The following MARCHF7 variants were observed in gnomAD, a reference collection of about 807,000 sequenced individuals.
The protein encoded by MARCHF7 is membrane associated ring-CH-type finger 7, also known as E3 ubiquitin-protein ligase MARCHF7.
A neutral mutation model predicts 76.5 loss-of-function variants in MARCHF7; 20 were observed. The ratio of observed to expected loss-of-function variants is 0.26; its 90% confidence interval spans 0.18 to 0.38. The LOEUF is 0.38. MARCHF7 is among the 10% of genes least tolerant of loss of function. The pLI is 1.00. For missense variants in MARCHF7, 797 were observed against 812.9 expected (o/e 0.98, Z 0.24); for synonymous variants, 295 against 293.0 (o/e 1.01, Z -0.07).
intron 3 of MARCHF7, among the ~76,000 whole-genome samples, chr2:159,724,419 C>T (rs1435128663): frequency 2.0e-5 from 3 of 152,072 alleles, no homozygotes; most frequent in Admixed American, 1.3e-4. Flanking sequence ...TTCTGTCCTT[C>T]GTTTCTAGAA....
intron 3 of MARCHF7, among the ~76,000 whole-genome samples, chr2:159,717,645 G>C (rs890866372): frequency 6.6e-6 from 1 of 152,144 alleles, no homozygotes; most frequent in African/African-American, 2.4e-5. Flanking sequence ...CAGCAAATTA[G>C]AAAGGGAATT....
rs141870759 is a variant in MARCHF7, at chr2:159,769,862, G to A, written c.*2520G>A. On this transcript the variant is annotated 3_prime_UTR_variant, in exon 12 of 12. Transcript: ENST00000409175. ...CAATAAAACTTCCTATAATGAAAATGTTCTATAATGTATGTTGCCCAGTAC... is the reference window on the plus strand; with the variant it reads ...CAATAAAACTTCCTATAATGAAAATATTCTATAATGTATGTTGCCCAGTAC... 1.6e-4 allele frequency: 24 copies of A among 152,306 alleles called. No homozygotes were observed. The highest frequency in any genetic ancestry group is 5.5e-4 in the African/African-American group (23 of 41,572). 9.4% of individuals were successfully genotyped at this position (152,306 alleles called of 1,614,324 possible). A position where few individuals can be genotyped will look rare whatever the true frequency, so the allele number is the denominator to read the frequency against.
At chr2:159,750,592 TC>T (rs1423870621) in intron 7 of MARCHF7, among the ~76,000 whole-genome samples, 6 of 152,122 alleles carry the variant, frequency 3.9e-5, no homozygotes, top group African/African-American at 1.2e-4. Flanking sequence ...TACAAAGAAA[TC>T]TTTATAGAGT....
intron 9 of MARCHF7, among the ~76,000 whole-genome samples, chr2:159,760,122 T>C (rs1706853044): frequency 6.6e-6 from 1 of 152,214 alleles, no homozygotes; most frequent in Admixed American, 6.5e-5. Flanking sequence ...CATTCTGTGC[T>C]CTCAGCCCCT....
Position 159,768,236 on chromosome 2 carries a change from G to T in MARCHF7, c.*894G>T, listed in dbSNP as rs1266479779. On this transcript the variant is annotated 3_prime_UTR_variant, in exon 12 of 12. Transcript: ENST00000409175. ...ATATAAATAACCTGTTTGGATCCTG[G>T]TCCTTTTTAACTGTTCCTTGGTAAT... 6.6e-6 allele frequency: 1 copy of T among 151,214 alleles called. No individual in the cohort carries two copies. Among genetic ancestry groups the T allele is most frequent in the African/African-American group, 2.4e-5 (1 of 41,346 alleles). 9.4% of individuals were successfully genotyped at this position (151,214 alleles called of 1,614,324 possible). A position where few individuals can be genotyped will look rare whatever the true frequency, so the allele number is the denominator to read the frequency against.
At chr2:159,728,389 A>G (rs1702409567) in intron 3 of MARCHF7, among the ~76,000 whole-genome samples, 1 of 152,246 alleles carries the variant, frequency 6.6e-6, no homozygotes, top group African/African-American at 2.4e-5. Flanking sequence ...TACCTATTGT[A>G]TCCCAGGCAG....
chr2:159,749,342 GTT>G lies in MARCHF7; in HGVS notation c.1613+447_1613+448del, dbSNP rs576827987. On this transcript the variant is annotated intron_variant, in intron 7 of 11. Transcript: ENST00000409175. ...AAATCTGAAGGGTTGTTTTGTTTTT[GTT>G]TTTTTTTGTTGTTGTTGTTGTTGTT... Among the ~76,000 whole-genome samples the G allele has an allele frequency of 3.8e-4, 57 of 150,694 alleles. No individual in the cohort carries two copies. The East Asian group carries it at 0.01, about 27-fold the overall frequency.
chr2:159,727,846 A>G (rs1702350125), intron 3 of MARCHF7, among the ~76,000 whole-genome samples: 1 of 152,250 alleles, frequency 6.6e-6, no homozygotes, highest in Non-Finnish European at 1.5e-5. Flanking sequence ...GTTTATACGT[A>G]TTTAATAATC....
At chr2:159,737,800 A>T (rs1467174032) in intron 4 of MARCHF7, among the ~76,000 whole-genome samples, 1 of 152,228 alleles carries the variant, frequency 6.6e-6, no homozygotes, top group Admixed American at 6.5e-5. Flanking sequence ...AAATTAAAAA[A>T]AAAGATGGAC....
At chr2:159,733,676 G>A (rs1703096221) in intron 4 of MARCHF7, 1 of 985,238 alleles carries the variant, frequency 1.0e-6, no homozygotes, top group African/African-American at 1.7e-5. Flanking sequence ...GGTAGGACAT[G>A]ATCAATTTCA....
intron 3 of MARCHF7, among the ~76,000 whole-genome samples, chr2:159,721,013 A>AC (rs1328504504): frequency 2.7e-5 from 4 of 146,834 alleles, no homozygotes; most frequent in Admixed American, 1.4e-4. Context: ...GCGAGCCACC[A>AC]CACACGGCTA....
At chr2:159,723,641 T>C (rs1266583958) in intron 3 of MARCHF7, among the ~76,000 whole-genome samples, 1 of 152,202 alleles carries the variant, frequency 6.6e-6, no homozygotes, top group Non-Finnish European at 1.5e-5. Context: ...CCATTCTTAT[T>C]TCCACTGCCC....
intron 4 of MARCHF7, among the ~76,000 whole-genome samples, chr2:159,734,379 T>G (rs1223523613): frequency 6.7e-6 from 1 of 148,218 alleles, no homozygotes; most frequent in Admixed American, 7.1e-5. Flanking sequence ...TTGCATATTT[T>G]GCATAGTGTA....
At position 159,748,860 on chromosome 2, in the gene MARCHF7, G is replaced by A; in HGVS notation, c.1570G>A (p.Ala524Thr). 1 of 1,612,696 alleles carries A rather than the reference G, an allele frequency of 6.2e-7. No individual in the cohort carries two copies. Among genetic ancestry groups the A allele is most frequent in the Non-Finnish European group, 8.5e-7 (1 of 1,179,512 alleles). ...ADGKSDKTKS[A>T]PSRDPERLQK... ...TGGTAAAAGTGATAAAACTAAAAGTGCGCCTTCAAGAGATCCAGAAAGATT... is the reference window on the plus strand; with the variant it reads ...TGGTAAAAGTGATAAAACTAAAAGTACGCCTTCAAGAGATCCAGAAAGATT... The change falls in exon 7 of 12, where the codon GCG becomes ACG. Residue 524 changes from alanine to threonine, a missense_variant. By Grantham distance (58) the Ala-to-Thr change is moderately conservative. Transcript: ENST00000409175.
intron 7 of MARCHF7, among the ~76,000 whole-genome samples, chr2:159,750,572 A>T (rs1291159133): frequency 6.6e-6 from 1 of 152,158 alleles, no homozygotes; most frequent in East Asian, 1.9e-4. Context: ...CAGGGCATAG[A>T]ATCTTTTTAT....
intron 7 of MARCHF7, 47 bp downstream of exon 7, chr2:159,748,950 AG>A: frequency 7.0e-7 from 1 of 1,436,500 alleles, no homozygotes; most frequent in Non-Finnish European, 9.2e-7. Flanking sequence ...AAATAGAGAA[AG>A]AACTCTTCAT....
rs895735361 is a variant in MARCHF7, at chr2:159,768,843, C to T, written c.*1501C>T. 25 of 152,088 alleles carry T rather than the reference C, an allele frequency of 1.6e-4. No homozygotes were observed. The highest frequency in any genetic ancestry group is 5.3e-4 in the African/African-American group (22 of 41,408). The allele number at this position is 152,088 out of a possible 1,614,324, so 9.4% of individuals were successfully genotyped here. A position where few individuals can be genotyped will look rare whatever the true frequency, so the allele number is the denominator to read the frequency against. ...ATACTTTTAATAAAATTCAGTATGA[C>T]AGTTGTCTTCTGCTTAACCCATAAA... On this transcript the variant is annotated 3_prime_UTR_variant, in exon 12 of 12. Transcript: ENST00000409175.
rs933313867 is a variant in MARCHF7, at chr2:159,767,841, A to T, written c.*499A>T. 1 of 152,534 alleles carries T rather than the reference A, an allele frequency of 6.6e-6. No homozygotes were observed. Among genetic ancestry groups the T allele is most frequent in the Non-Finnish European group, 1.5e-5 (1 of 67,970 alleles). The allele number at this position is 152,534 out of a possible 1,614,324, so 9.4% of individuals were successfully genotyped here. Reference sequence around the variant, plus strand: ...CATTTGCTTCCAGTGTTTAAAAATTAAAAAAAGAATGGGGAGAAGGTTATG... The same window carrying T: ...CATTTGCTTCCAGTGTTTAAAAATTTAAAAAAGAATGGGGAGAAGGTTATG... On this transcript the variant is annotated 3_prime_UTR_variant, in exon 12 of 12. Transcript: ENST00000409175.
chr2:159,747,952 C>T lies in MARCHF7; in HGVS notation c.662C>T (p.Ser221Phe). 1.2e-6 allele frequency: 2 copies of T among 1,614,058 alleles called. No individual in the cohort carries two copies. Among genetic ancestry groups the T allele is most frequent in the Admixed American group, 1.7e-5 (1 of 59,988 alleles). ...TILSSRDSRNSLRSNFSSRES... is the reference protein window; with the variant it reads ...TILSSRDSRNFLRSNFSSRES... The stretch of plus-strand genomic sequence containing the variant: ...CTAAGTTCTAGGGACTCCAGAAATT[C>T]TTTAAGATCAAATTTTTCTTCAAGA... Residue 221 changes from serine to phenylalanine, a missense_variant, in exon 7 of 12, where the codon TCT becomes TTT. Coordinates refer to ENST00000409175, the MANE Select transcript of MARCHF7 (RefSeq NM_001282805.2).
Sources: gnomAD v4.1 joint callset for allele counts (sites outside exome capture counted in the v4.1 genomes callset) on GRCh38, gnomAD v4.1.1 for gene constraint, MANE v1.5 for transcripts, NCBI Gene and HGNC (gene_info 2026-07-23, HGNC 2026-07-21) for gene names.